NEURL4: variants seen among roughly 807,000 people sequenced by gnomAD.
NEURL4 encodes neuralized-like protein 4.
Under a neutral mutation model 148.0 loss-of-function variants are expected in NEURL4, and 45 were observed. The ratio of observed to expected loss-of-function variants is 0.30; its 90% confidence interval spans 0.24 to 0.39. NEURL4 has a LOEUF of 0.39. Ranked by LOEUF, NEURL4 falls within the 10% of genes least tolerant of loss-of-function variation. The pLI, the probability that NEURL4 is intolerant of heterozygous loss-of-function variation, is 1.00. For synonymous variants in NEURL4, 854 were observed against 869.0 expected (o/e 0.98, Z 0.30); for missense variants, 1,776 against 2,144.0 (o/e 0.83, Z 3.39).
intron 6 of NEURL4, 137 bp from the exon 7 acceptor site, chr17:7,325,850 A>G (rs1199802026): frequency 1.4e-6 from 1 of 725,744 alleles, no homozygotes; most frequent in Non-Finnish European, 2.4e-6. Context: ...CTTGTTTTCC[A>G]GACATGACAA....
chr17:7,327,118 C>T lies in NEURL4; in HGVS notation c.793+47G>A, dbSNP rs1389739362. 2.5e-6 allele frequency: 4 copies of T among 1,605,376 alleles called. No individual in the cohort carries two copies. The highest frequency in any genetic ancestry group is 3.4e-5 in the Admixed American group (2 of 59,360). ...CTTCTCCTGAGGGCCCTCCCTTGTC[C>T]ACCTCACTTCCCACTCCCCTTCCCA... On this transcript the variant is annotated intron_variant, in intron 3 of 28. Transcript: ENST00000399464. The surrounding 1 kb of genome is among the most constrained non-coding windows in gnomAD (Gnocchi z 6.6).
rs774655970 is a variant in NEURL4, at chr17:7,327,729, A to G, written c.438T>C (p.Tyr146=). ...LRDGRSVLEE[Y]GQDLDQLGEG... The stretch of plus-strand genomic sequence containing the variant: ...CACCAAGCTGGTCCAGGTCCTGACC[A>G]TACTCCTCCAACACAGAGCGTCCAT... The change falls in exon 2 of 29, where the codon TAT becomes TAC. Residue 146 remains tyrosine, a synonymous_variant. Coordinates refer to ENST00000399464, the MANE Select transcript of NEURL4 (RefSeq NM_032442.3). The surrounding 1 kb of genome is among the most constrained non-coding windows in gnomAD (Gnocchi z 6.6). 6.2e-7 allele frequency: 1 copy of G among 1,614,096 alleles called. No homozygotes were observed. Among genetic ancestry groups the G allele is most frequent in the East Asian group, 2.2e-5 (1 of 44,884 alleles).
At position 7,317,349 on chromosome 17, in the gene NEURL4, C is replaced by A; in HGVS notation, c.4340G>T (p.Cys1447Phe). Residue 1447 changes from cysteine (C) to phenylalanine (F), a missense_variant, in exon 28 of 29, where the codon TGC becomes TTC. Coordinates refer to ENST00000399464, the MANE Select transcript of NEURL4 (RefSeq NM_032442.3). Reference sequence around the variant, plus strand: ...CCCAGGTTCTCCCTTCAAAGGACGGCAGCTCAGGATGGAGGCAGTACCTGG... The same window carrying A: ...CCCAGGTTCTCCCTTCAAAGGACGGAAGCTCAGGATGGAGGCAGTACCTGG... Reference protein sequence around the residue: ...LGAGTASILSCRPLKGEPGVG... With the variant: ...LGAGTASILSFRPLKGEPGVG... 1.9e-6 allele frequency: 3 copies of A among 1,556,390 alleles called. No homozygotes were observed. Among genetic ancestry groups the A allele is most frequent in the Non-Finnish European group, 2.6e-6 (3 of 1,149,696 alleles).
chr17:7,328,407 T>C (rs1474595132), intron 1 of NEURL4, among the ~76,000 whole-genome samples: 1 of 152,222 alleles, frequency 6.6e-6, no homozygotes, highest in Non-Finnish European at 1.5e-5. Context: ...AATGGTTTGT[T>C]CTGTTTTTTT....
chr17:7,315,714 C>T lies in NEURL4; in HGVS notation c.*409G>A. 2.2e-6 allele frequency: 1 copy of T among 460,040 alleles called. No homozygotes were observed. The highest frequency in any genetic ancestry group is 3.8e-6 in the Non-Finnish European group (1 of 261,068). The allele number at this position is 460,040 out of a possible 1,614,324, so 28.5% of individuals were successfully genotyped here. On this transcript the variant is annotated 3_prime_UTR_variant, in exon 29 of 29. Transcript: ENST00000399464. ...GGCCCCCATCTTCCGTGCGCCCACC[C>T]TTCCCCACTCCCGCCCGGTGGCCCC...
At position 7,325,234 on chromosome 17, in the gene NEURL4, C is replaced by T. The variant is rs1382472963; in HGVS notation, c.1606G>A (p.Glu536Lys). The T allele has an allele frequency of 1.0e-5, 16 of 1,581,626 alleles. No individual in the cohort carries two copies. Among genetic ancestry groups the T allele is most frequent in the Admixed American group, 1.8e-5 (1 of 55,324 alleles). The change falls in exon 8 of 29, where the codon GAG becomes AAG. Residue 536 changes from glutamate to lysine, a missense_variant. Glu to Lys is a moderately conservative substitution (Grantham distance 56). Coordinates refer to ENST00000399464, the MANE Select transcript of NEURL4 (RefSeq NM_032442.3). ...NCGQKAAITH[E>K]GRTALRPHAT... The stretch of plus-strand genomic sequence containing the variant: ...TGGGGCCTCAGGGCAGTGCGTCCCT[C>T]GTGGGTGATGGCTGCCTTCTGCCCA...
In NEURL4 at chr17:7,324,502, G is replaced by A; in HGVS notation, c.1814-22C>T. Reference sequence around the variant, plus strand: ...GTCCCTGGGAGGACAAGGAGCAGGAGGGGACATGAGGGGAAATGCAGGGCT... The same window carrying A: ...GTCCCTGGGAGGACAAGGAGCAGGAAGGGACATGAGGGGAAATGCAGGGCT... On this transcript the variant is annotated intron_variant, in intron 9 of 28. Transcript: ENST00000399464. This position sits in a 1 kb window ranked among gnomAD's most constrained non-coding sequence, Gnocchi z 5.9. 6.2e-7 allele frequency: 1 copy of A among 1,600,654 alleles called. No individual in the cohort carries two copies. Among genetic ancestry groups the A allele is most frequent in the East Asian group, 2.2e-5 (1 of 44,824 alleles).
rs1327209167 is a variant in NEURL4 at position 7,325,154 on chromosome 17, C to G, written c.1631+55G>C. 21 of 688,078 alleles carry G rather than the reference C, an allele frequency of 3.1e-5. 2 individuals carry two copies. The highest frequency in any genetic ancestry group is 4.1e-4 in the Middle Eastern group (1 of 2,432). 42.6% of individuals were successfully genotyped at this position (688,078 alleles called of 1,614,324 possible). ...TGCCTTCCACTTCCTTGCCCCGCCCCCCCCCCCCCATTAGAATCCCTTCTT... is the reference window on the plus strand; with the variant it reads ...TGCCTTCCACTTCCTTGCCCCGCCCGCCCCCCCCCATTAGAATCCCTTCTT... On this transcript the variant is annotated intron_variant, in intron 8 of 28. Coordinates refer to ENST00000399464, the MANE Select transcript of NEURL4 (RefSeq NM_032442.3).
chr17:7,329,276 C>T lies in NEURL4; in HGVS notation c.37G>A (p.Gly13Arg). The T allele has an allele frequency of 6.9e-7, 1 of 1,444,002 alleles. No homozygotes were observed. Among genetic ancestry groups the T allele is most frequent in the Non-Finnish European group, 9.0e-7 (1 of 1,105,534 alleles). The allele number at this position is 1,444,002 out of a possible 1,614,324, so 89.4% of individuals were successfully genotyped here. A position where few individuals can be genotyped will look rare whatever the true frequency, so the allele number is the denominator to read the frequency against. The stretch of plus-strand genomic sequence containing the variant: ...CCGCCCGGCCCCGGTCCAGGGCCTC[C>T]CCCAGAGCCCCCACTCCCACCCGAC... ...AGSGGSGGSG[G>R]GPGPGPGGGG... Residue 13 changes from glycine (G) to arginine (R), a missense_variant, in exon 1 of 29, where the codon GGA (glycine) becomes AGA (arginine). By Grantham distance (125) the Gly-to-Arg change is moderately radical. Transcript: ENST00000399464.
In NEURL4 at chr17:7,322,643, G is replaced by T. The variant is rs533506714; in HGVS notation, c.2725+92C>A. 11 of 1,514,514 alleles carry T rather than the reference G, an allele frequency of 7.3e-6. No homozygotes were observed. Among genetic ancestry groups the T allele is most frequent in the Non-Finnish European group, 9.8e-6 (11 of 1,119,792 alleles). 93.8% of individuals were successfully genotyped at this position (1,514,514 alleles called of 1,614,324 possible). A position where few individuals can be genotyped will look rare whatever the true frequency, so the allele number is the denominator to read the frequency against. On this transcript the variant is annotated intron_variant, in intron 16 of 28. Coordinates refer to ENST00000399464, the MANE Select transcript of NEURL4 (RefSeq NM_032442.3). The surrounding 1 kb of genome is among the most constrained non-coding windows in gnomAD (Gnocchi z 5.5). ...GAGCCGGCAGCTACCCCAGCCAACC[G>T]TCTTTGCAGAACCTCTCTAACCTGG...
At position 7,323,211 on chromosome 17, in the gene NEURL4, A is replaced by G. The variant is rs1300236449; in HGVS notation, c.2418-88T>C. 9 of 1,404,788 alleles carry G rather than the reference A, an allele frequency of 6.4e-6. No individual in the cohort carries two copies. The East Asian group carries it at 7.1e-5, about 11-fold the overall frequency. 87.0% of individuals were successfully genotyped at this position (1,404,788 alleles called of 1,614,324 possible). A position where few individuals can be genotyped will look rare whatever the true frequency, so the allele number is the denominator to read the frequency against. ...CACTCCCTGTCTGTCAGAACCCTCC[A>G]ATGTCTTGGGCTGGTGTCTTGATCT... is the stretch of plus-strand genomic sequence containing the variant. On this transcript the variant is annotated intron_variant, in intron 14 of 28. Coordinates refer to ENST00000399464, the MANE Select transcript of NEURL4 (RefSeq NM_032442.3).
rs143764409 is a variant in NEURL4, at chr17:7,325,116, G to A, written c.1631+93C>T. 4.9e-3 allele frequency: 7,362 copies of A among 1,490,986 alleles called. 28 individuals carry two copies. The highest frequency in any genetic ancestry group is 5.4e-3 in the Non-Finnish European group (5,994 of 1,108,806). The allele number at this position is 1,490,986 out of a possible 1,614,324, so 92.4% of individuals were successfully genotyped here. A position where few individuals can be genotyped will look rare whatever the true frequency, so the allele number is the denominator to read the frequency against. ...GCTCAACCTCCAGGAAGCTGCCCCCGCCAGGCTCCCTCTGCCTTCCACTTC... is the reference window on the plus strand; with the variant it reads ...GCTCAACCTCCAGGAAGCTGCCCCCACCAGGCTCCCTCTGCCTTCCACTTC... On this transcript the variant is annotated intron_variant, in intron 8 of 28. Transcript: ENST00000399464.
Position 7,321,972 on chromosome 17 carries a change from T to C in NEURL4, c.2764A>G (p.Lys922Glu), listed in dbSNP as rs1269930536. The change falls in exon 17 of 29, where the codon AAG becomes GAG. Residue 922 changes from lysine to glutamate, a missense_variant. Lys to Glu is a moderately conservative substitution (Grantham distance 56). Transcript: ENST00000399464. This position sits in a 1 kb window ranked among gnomAD's most constrained non-coding sequence, Gnocchi z 6.3. ...VAHRFHSTCG[K>E]NVTLEEDGTR... ...CCATCCTCCTCTAGAGTGACGTTCT[T>C]GCCGCAAGTACTGTGGAATCGGTGA... is the stretch of plus-strand genomic sequence containing the variant. 2.5e-6 allele frequency: 4 copies of C among 1,613,014 alleles called. No individual in the cohort carries two copies. In the Admixed American group the frequency reaches 5.0e-5, roughly 20 times the overall value.
In NEURL4 at chr17:7,318,659, C is replaced by G; in HGVS notation, c.3700G>C (p.Gly1234Arg). The G allele has an allele frequency of 9.3e-6, 15 of 1,608,980 alleles. No homozygotes were observed. Among genetic ancestry groups the G allele is most frequent in the Non-Finnish European group, 1.3e-5 (15 of 1,177,508 alleles). ...HNGLKICEKF[G>R]PNLDTCPEGT... ...TCAGGGCACGTGTCCAGATTGGGCCCAAACTTCTCGCAGATCTGGGAGGAG... is the reference window on the plus strand; with the variant it reads ...TCAGGGCACGTGTCCAGATTGGGCCGAAACTTCTCGCAGATCTGGGAGGAG... The change falls in exon 23 of 29, where the codon GGG (glycine) becomes CGG (arginine). Residue 1234 changes from glycine (G) to arginine (R), a missense_variant. By Grantham distance (125) the Gly-to-Arg change is moderately radical (BLOSUM62 -2). Transcript: ENST00000399464. The surrounding 1 kb of genome is among the most constrained non-coding windows in gnomAD (Gnocchi z 4.3).
chr17:7,327,043 A>G lies in NEURL4; in HGVS notation c.794-34T>C, dbSNP rs2073111981. 1 of 1,604,948 alleles carries G rather than the reference A, an allele frequency of 6.2e-7. No homozygotes were observed. The highest frequency in any genetic ancestry group is 8.5e-7 in the Non-Finnish European group (1 of 1,179,158). ...GCAGGATGGAAGAAGGAAGCTCGGA[A>G]GTTGGGATGAGGCTCTACACCCCCA... is the stretch of plus-strand genomic sequence containing the variant. On this transcript the variant is annotated intron_variant, in intron 3 of 28. Coordinates refer to ENST00000399464, the MANE Select transcript of NEURL4 (RefSeq NM_032442.3). This position sits in a 1 kb window ranked among gnomAD's most constrained non-coding sequence, Gnocchi z 6.6.
In NEURL4 at chr17:7,317,893, TAGC is replaced by T. The variant is rs2072972251; in HGVS notation, c.4097_4099del (p.Cys1366del). ...TCGCAGCTTCCGGCAAGACTCACAG[TAGC>T]ACAGGCTTCGCTTTGGCGGAGGCAT... On this transcript the variant is annotated inframe_deletion, in exon 26 of 29. Transcript: ENST00000399464. 6.2e-7 allele frequency: 1 copy of T among 1,614,208 alleles called. No individual in the cohort carries two copies.
rs768741294 is a variant in NEURL4, at chr17:7,321,349, G to A, written c.3198+12C>T. 8 of 1,613,742 alleles carry A rather than the reference G, an allele frequency of 5.0e-6. No individual in the cohort carries two copies. Among genetic ancestry groups the A allele is most frequent in the African/African-American group, 4.0e-5 (3 of 74,988 alleles). On this transcript the variant is annotated intron_variant, in intron 19 of 28. Coordinates refer to ENST00000399464, the MANE Select transcript of NEURL4 (RefSeq NM_032442.3). The surrounding 1 kb of genome is among the most constrained non-coding windows in gnomAD (Gnocchi z 6.3). ...CCATCCTCCCAGAACCCAAGGAAGCGTTCAGGTCTACCTTGGCAATGCCAG... is the reference window on the plus strand; with the variant it reads ...CCATCCTCCCAGAACCCAAGGAAGCATTCAGGTCTACCTTGGCAATGCCAG...
At chr17:7,319,974 C>T (rs1477404511) in intron 21 of NEURL4, among the ~76,000 whole-genome samples, 28 of 151,778 alleles carry the variant, frequency 1.8e-4, no homozygotes, top group African/African-American at 3.6e-4. Context: ...GGACTACAGG[C>T]GCCCGCCACC....
Position 7,327,493 on chromosome 17 carries a change from A to G in NEURL4, c.674T>C (p.Leu225Ser), listed in dbSNP as rs1209131003. 2 of 1,585,444 alleles carry G rather than the reference A, an allele frequency of 1.3e-6. No homozygotes were observed. The highest frequency in any genetic ancestry group is 2.7e-5 in the African/African-American group (2 of 74,560). ...TPIPTPPLEP[L>S]APTEDSALAE... is the part of the protein sequence containing the mutation. The stretch of plus-strand genomic sequence containing the variant: ...CAAGGCAGAGTCTTCAGTGGGGGCC[A>G]AGGGCTCGAGGGGAGGTGTGGGGAT... Residue 225 changes from leucine (L) to serine (S), a missense_variant, in exon 2 of 29, where the codon TTG becomes TCG. By Grantham distance (145) the Leu-to-Ser change is moderately radical. Transcript: ENST00000399464. The surrounding 1 kb of genome is among the most constrained non-coding windows in gnomAD (Gnocchi z 6.6).
Sources: allele counts gnomAD v4.1 joint callset (sites outside exome capture counted in the v4.1 genomes callset), GRCh38; gene constraint gnomAD v4.1.1; non-coding constraint Gnocchi (gnomAD v3.1); transcripts MANE v1.5; gene names NCBI Gene and HGNC (gene_info 2026-07-23, HGNC 2026-07-21).